The following TNS3 variants were observed in gnomAD, a reference collection of about 807,000 sequenced individuals.
The protein encoded by TNS3 is tensin 3, also known as tensin-3.
In TNS3, 45 loss-of-function variants were observed where a neutral mutation model predicts 140.9. The observed-to-expected ratio is 0.32, with a 90% confidence interval of 0.25 to 0.41. The LOEUF (loss-of-function observed/expected upper bound fraction) is 0.41, where lower values mean the gene tolerates loss of function less well. TNS3 is among the 10% of genes least tolerant of loss of function. The pLI is 1.00. For synonymous variants in TNS3, 815 were observed against 788.4 expected (o/e 1.03, Z -0.56); for missense variants, 1,716 against 1,906.7 (o/e 0.90, Z 1.86).
intron 2 of TNS3, among the ~76,000 whole-genome samples, chr7:47,507,302 T>C (rs975386356): frequency 2.0e-5 from 3 of 152,056 alleles, no homozygotes; most frequent in East Asian, 1.9e-4. Context: ...TAAAGAAGAA[T>C]AGTGAATTTC....
chr7:47,474,756 C>T (rs901954876), intron 4 of TNS3, among the ~76,000 whole-genome samples: 1 of 148,158 alleles, frequency 6.7e-6, no homozygotes, highest in African/African-American at 2.5e-5. Flanking sequence ...CAACACACAA[C>T]ACACAAAGCA....
chr7:47,349,697 C>A (rs934655046), intron 17 of TNS3, among the ~76,000 whole-genome samples: 1 of 152,210 alleles, frequency 6.6e-6, no homozygotes, highest in East Asian at 1.9e-4. Context: ...TCTCGGACTG[C>A]AAACCTTGGA....
intron 4 of TNS3, among the ~76,000 whole-genome samples, chr7:47,475,850 G>A (rs767477396): frequency 1.3e-5 from 2 of 152,164 alleles, no homozygotes; most frequent in African/African-American, 2.4e-5. Context: ...ACTCGCATGC[G>A]CCCTTGTTCT....
intron 3 of TNS3, chr7:47,481,605 A>G (rs933200776): frequency 1.0e-6 from 1 of 955,522 alleles, no homozygotes; most frequent in Middle Eastern, 5.4e-4. Context: ...CTTTTCTAGA[A>G]CTATTTCTAC....
In TNS3 at chr7:47,363,159, A is replaced by AT. The variant is rs913153499; in HGVS notation, c.2281+5205_2281+5206insA. 1.3e-4 allele frequency among the ~76,000 whole-genome samples: 3 copies of AT among 23,152 alleles called. 1 individual carries two copies. Among genetic ancestry groups the AT allele is most frequent in the Non-Finnish European group, 1.2e-3 (3 of 2,578 alleles). The allele number at this position is 23,152 out of a possible 152,430, so 15.2% of individuals were successfully genotyped here. On this transcript the variant is annotated intron_variant, in intron 17 of 30. Coordinates refer to ENST00000311160, the MANE Select transcript of TNS3 (RefSeq NM_022748.12). ...TGTCATCATCACCATCATCATCATC[A>AT]GTCATCACCATCATAAGGGTCATCA...
intron 27 of TNS3, among the ~76,000 whole-genome samples, chr7:47,291,687 T>A (rs1473006851): frequency 6.6e-6 from 1 of 152,020 alleles, no homozygotes; most frequent in Non-Finnish European, 1.5e-5. Flanking sequence ...CCTGTCTTAC[T>A]ATATTTTCCC....
chr7:47,456,018 G>A lies in TNS3; in HGVS notation c.-75-13963C>T, dbSNP rs114183094. ...GGCTCAAGGAGCCCAAATGCCAGATGATGAATCCATGACGATGAAAGGTGT... is the reference window on the plus strand; with the variant it reads ...GGCTCAAGGAGCCCAAATGCCAGATAATGAATCCATGACGATGAAAGGTGT... On this transcript the variant is annotated intron_variant, in intron 4 of 30. Coordinates refer to ENST00000311160, the MANE Select transcript of TNS3 (RefSeq NM_022748.12). Among the ~76,000 whole-genome samples, 1,502 of 152,354 alleles carry A rather than the reference G, an allele frequency of 9.9e-3. 19 individuals are homozygous for A. The highest frequency in any genetic ancestry group is 0.034 in the African/African-American group (1,422 of 41,576).
chr7:47,320,749 G>C (rs551453806), intron 20 of TNS3, among the ~76,000 whole-genome samples: 1 of 152,318 alleles, frequency 6.6e-6, no homozygotes, highest in Non-Finnish European at 1.5e-5. Context: ...TCGGGTTAAG[G>C]CATCATTCAA....
At chr7:47,331,365 C>T (rs1392470437) in intron 20 of TNS3, among the ~76,000 whole-genome samples, 1 of 152,214 alleles carries the variant, frequency 6.6e-6, no homozygotes, top group Non-Finnish European at 1.5e-5. Context: ...GCGAGCTCTA[C>T]TCTGGGGTTC....
intron 2 of TNS3, among the ~76,000 whole-genome samples, chr7:47,517,976 A>G (rs1798834763): frequency 1.3e-5 from 2 of 152,230 alleles, no homozygotes; most frequent in Non-Finnish European, 1.5e-5. Context: ...CAACCAATCA[A>G]TAATCAATCA....
intron 27 of TNS3, among the ~76,000 whole-genome samples, chr7:47,288,738 C>A (rs774859454): frequency 2.0e-5 from 3 of 152,334 alleles, no homozygotes; most frequent in Non-Finnish European, 4.4e-5. Flanking sequence ...GGCCGGCTTC[C>A]CAGGAAAGGC....
intron 1 of TNS3, among the ~76,000 whole-genome samples, chr7:47,547,776 C>T (rs1799961366): frequency 6.6e-6 from 1 of 152,202 alleles, no homozygotes; most frequent in East Asian, 1.9e-4. Context: ...TAAAGCCTCC[C>T]AACAAACCTC....
intron 17 of TNS3, among the ~76,000 whole-genome samples, chr7:47,351,146 C>T (rs1321859493): frequency 6.6e-6 from 1 of 152,156 alleles, no homozygotes; most frequent in East Asian, 1.9e-4. Context: ...TTTTGTAGTA[C>T]TCTGTGCTGC....
chr7:47,418,243 G>A (rs1794189513), intron 10 of TNS3, among the ~76,000 whole-genome samples: 1 of 152,348 alleles, frequency 6.6e-6, no homozygotes, highest in African/African-American at 2.4e-5. Context: ...AGAGGTTGCA[G>A]TGAGCCTAGA....
intron 23 of TNS3, among the ~76,000 whole-genome samples, chr7:47,300,728 TCA>T (rs747912557): frequency 7.9e-4 from 120 of 152,294 alleles, no homozygotes; most frequent in Middle Eastern, 6.8e-3. Flanking sequence ...TAGGCACCTC[TCA>T]GTTTGGCCAG....
At chr7:47,570,880 T>C (rs1800536172) in intron 1 of TNS3, among the ~76,000 whole-genome samples, 1 of 152,082 alleles carries the variant, frequency 6.6e-6, no homozygotes, top group Non-Finnish European at 1.5e-5. Flanking sequence ...TCAGATTTAA[T>C]GAGGACAGAG....
intron 1 of TNS3, among the ~76,000 whole-genome samples, chr7:47,547,128 CCA>C (rs1345369155): frequency 6.6e-6 from 1 of 152,144 alleles, no homozygotes; most frequent in African/African-American, 2.4e-5. Context: ...GAAGATAAAG[CCA>C]AGGAGGCAGT....
chr7:47,300,825 A>G (rs1018274797), intron 23 of TNS3, among the ~76,000 whole-genome samples: 5 of 152,240 alleles, frequency 3.3e-5, no homozygotes, highest in African/African-American at 1.2e-4. Flanking sequence ...CAACAGGCAC[A>G]CAGCATCCGG....
intron 1 of TNS3, among the ~76,000 whole-genome samples, chr7:47,575,175 G>T (rs1172060700): frequency 6.6e-6 from 1 of 152,180 alleles, no homozygotes; most frequent in Non-Finnish European, 1.5e-5. Context: ...TGAACAAATA[G>T]TGAAGTCCAA....
Sources: gnomAD v4.1 joint callset for allele counts (sites outside exome capture counted in the v4.1 genomes callset) on GRCh38, gnomAD v4.1.1 for gene constraint, MANE v1.5 for transcripts, NCBI Gene and HGNC (gene_info 2026-07-23, HGNC 2026-07-21) for gene names.